Variants in MUC22 observed in about 807,000 individuals in gnomAD.
MUC22 encodes the protein mucin 22, also known as mucin-22.
A neutral mutation model predicts 40.3 loss-of-function variants in MUC22; 24 were observed. The ratio of observed to expected loss-of-function variants is 0.60; its 90% CI spans 0.43 to 0.84. MUC22 has a LOEUF of 0.84. Among genes scored for constraint, MUC22 ranks in the 40% least tolerant of loss-of-function variants. The probability of loss-of-function intolerance (pLI) is 0.00; values close to 1 mark genes in which losing one functional copy is unlikely to be tolerated. For synonymous variants in MUC22, 765 were observed against 844.5 expected (o/e 0.91, Z 1.63); for missense variants, 1,926 against 2,130.7 (o/e 0.90, Z 1.89).
In MUC22 at chr6:31,027,092, A is replaced by C; in HGVS notation, c.1661A>C (p.Glu554Ala). ...ACCATGGCATCCACCATGGGCTCTG[A>C]GACCACTATGGCCTCTACCATAGGC... Residue 554 changes from glutamate (E) to alanine (A), a missense_variant, in exon 2 of 4, where the codon GAG becomes GCG. Glu to Ala is a moderately radical substitution (Grantham distance 107). Around this residue, in one of 3 missense-constraint regions of MUC22, gnomAD observed 1,281 missense variants for 1,337.8 expected, o/e 0.96. Coordinates refer to ENST00000561890, the Ensembl canonical transcript of MUC22. 3.3e-6 allele frequency: 5 copies of C among 1,497,422 alleles called. 1 individual carries two copies. The highest frequency in any genetic ancestry group is 4.5e-6 in the Non-Finnish European group (5 of 1,120,062). 92.8% of individuals were successfully genotyped at this position (1,497,422 alleles called of 1,614,324 possible).
chr6:31,030,511 C>T (rs1183433448), intron 2 of MUC22, among the ~76,000 whole-genome samples: 2 of 101,162 alleles, frequency 2.0e-5, no homozygotes, highest in South Asian at 3.0e-4. Flanking sequence ...AGCGAGACTC[C>T]GTCTCAAAAA....
At chr6:31,033,804 A>G (rs1487505976) in intron 3 of MUC22, among the ~76,000 whole-genome samples, 1 of 152,278 alleles carries the variant, frequency 6.6e-6, no homozygotes, top group African/African-American at 2.4e-5. Context: ...AGTGTTGGAC[A>G]GCATACCACT....
rs1439178632 is a variant in MUC22, at chr6:31,011,617, T to A, written c.70+841T>A. On this transcript the variant is annotated intron_variant, in intron 1 of 3. Transcript: ENST00000561890. The surrounding 1 kb of genome is among the most constrained non-coding windows in gnomAD (Gnocchi z 4.5). The stretch of plus-strand genomic sequence containing the variant: ...TTGATGGGCATTTGGGTTCCATGAC[T>A]TTGCAATTGTGAATTGTGCTGCTAT... Among the ~76,000 whole-genome samples the A allele has an allele frequency of 6.6e-6, 1 of 152,240 alleles. No individual in the cohort carries two copies. The highest frequency in any genetic ancestry group is 1.5e-5 in the Non-Finnish European group (1 of 68,046).
intron 1 of MUC22, among the ~76,000 whole-genome samples, chr6:31,015,146 T>TAA (rs1324812094): frequency 6.6e-6 from 1 of 152,142 alleles, no homozygotes; most frequent in African/African-American, 2.4e-5. Context: ...CTAAGGCAGA[T>TAA]AAATATTGTT....
chr6:31,014,240 C>T (rs1356562481), intron 1 of MUC22, among the ~76,000 whole-genome samples: 1 of 151,996 alleles, frequency 6.6e-6, no homozygotes, highest in Non-Finnish European at 1.5e-5. Flanking sequence ...TTAAAATGTC[C>T]ATAGTTTTCT....
Position 31,032,608 on chromosome 6 carries a change from G to A in MUC22, c.5055+27G>A, listed in dbSNP as rs1196485522. ...TGAGTACCCAGGGTGGGTTCATAGGGGAGCCTGGCAAGAAGGCAGGGGGGA... is the reference window on the plus strand; with the variant it reads ...TGAGTACCCAGGGTGGGTTCATAGGAGAGCCTGGCAAGAAGGCAGGGGGGA... On this transcript the variant is annotated intron_variant, in intron 3 of 3. Transcript: ENST00000561890. This position sits in a 1 kb window ranked among gnomAD's most constrained non-coding sequence, Gnocchi z 4.1. The A allele has an allele frequency of 2.0e-6, 3 of 1,511,396 alleles. No individual in the cohort carries two copies. Among genetic ancestry groups the A allele is most frequent in the Non-Finnish European group, 2.6e-6 (3 of 1,133,566 alleles). The allele number at this position is 1,511,396 out of a possible 1,614,324, so 93.6% of individuals were successfully genotyped here. A position where few individuals can be genotyped will look rare whatever the true frequency, so the allele number is the denominator to read the frequency against.
intron 1 of MUC22, among the ~76,000 whole-genome samples, chr6:31,022,879 T>C (rs9262540): frequency 0.38 from 58,237 of 152,028 alleles, 11,370 homozygotes; most frequent in East Asian, 0.47. Flanking sequence ...CCTGTAATCC[T>C]AGCCCTTTGG....
chr6:31,027,620 C>T (rs1422342022), exon 2 of MUC22: 2 of 1,528,294 alleles, frequency 1.3e-6, no homozygotes, highest in Middle Eastern at 1.7e-4. Flanking sequence ...ACAGCCTATA[C>T]TACAGGCTCT....
At chr6:31,028,977 C>T (rs1315699371) in exon 2 of MUC22, 1 of 1,534,910 alleles carries the variant, frequency 6.5e-7, no homozygotes, top group South Asian at 1.2e-5. Flanking sequence ...CTACTGAAGG[C>T]TCTGAGACCA....
chr6:31,016,873 G>GC (rs1764248227), intron 1 of MUC22, among the ~76,000 whole-genome samples: 1 of 152,148 alleles, frequency 6.6e-6, no homozygotes, highest in Non-Finnish European at 1.5e-5. Flanking sequence ...GCCTCGGGGG[G>GC]CCCCACACTC....
intron 1 of MUC22, among the ~76,000 whole-genome samples, chr6:31,021,038 C>T (rs942683691): frequency 6.6e-6 from 1 of 152,218 alleles, no homozygotes; most frequent in African/African-American, 2.4e-5. Flanking sequence ...CCGGAGCCTC[C>T]CCGATGAGCG....
At chr6:31,031,176 G>A (rs1014278270) in intron 2 of MUC22, among the ~76,000 whole-genome samples, 3 of 152,176 alleles carry the variant, frequency 2.0e-5, no homozygotes, top group Non-Finnish European at 4.4e-5. Context: ...CACACCCATC[G>A]CTACCTAAGC....
chr6:31,021,115 C>T (rs9262512), intron 1 of MUC22, among the ~76,000 whole-genome samples: 22,107 of 152,264 alleles, frequency 0.15, 1,766 homozygotes, highest in African/African-American at 0.19. Context: ...GAGCGCATGG[C>T]GTAGGACTGG....
At chr6:31,028,727 C>T in exon 2 of MUC22, 1 of 1,531,920 alleles carries the variant, frequency 6.5e-7, no homozygotes, top group South Asian at 1.2e-5. Flanking sequence ...ACCACCACCT[C>T]TACTGAAGGC....
At position 31,011,442 on chromosome 6, in the gene MUC22, G is replaced by A. The variant is rs752175915; in HGVS notation, c.70+666G>A. On this transcript the variant is annotated intron_variant, in intron 1 of 3. Coordinates refer to ENST00000561890, the Ensembl canonical transcript of MUC22. This position sits in a 1 kb window ranked among gnomAD's most constrained non-coding sequence, Gnocchi z 4.5. ...CTCCCACCTATCAGTGAGAACATAC[G>A]ATGTTTGGTTTTCCATTCCTGAGTA... is the stretch of plus-strand genomic sequence containing the variant. Among the ~76,000 whole-genome samples the A allele has an allele frequency of 2.6e-5, 4 of 152,116 alleles. 1 individual carries two copies. The highest frequency in any genetic ancestry group is 2.0e-4 in the Admixed American group (3 of 15,268).
rs1764417868 is a variant in MUC22, at chr6:31,018,411, T to A, written c.71-7091T>A. 2.6e-5 allele frequency among the ~76,000 whole-genome samples: 4 copies of A among 152,232 alleles called. 1 individual carries two copies. The South Asian group carries it at 8.3e-4, about 32-fold the overall frequency. ...GAATCTTTCCAGGATTCCACAGAAT[T>A]AATAATCTACCAGTAGTTGACTTAC... is the stretch of plus-strand genomic sequence containing the variant. On this transcript the variant is annotated intron_variant, in intron 1 of 3. Coordinates refer to ENST00000561890, the Ensembl canonical transcript of MUC22.
At chr6:31,015,719 T>C (rs1764148465) in intron 1 of MUC22, among the ~76,000 whole-genome samples, 1 of 152,218 alleles carries the variant, frequency 6.6e-6, no homozygotes, top group Non-Finnish European at 1.5e-5. Context: ...AAAAGACCCA[T>C]TCTTTTTATT....
rs1225428244 is a variant in MUC22, at chr6:31,027,849, C to G, written c.2418C>G (p.Thr806=). The G allele has an allele frequency of 4.6e-6, 7 of 1,534,496 alleles. 1 individual carries two copies. The Admixed American group carries it at 1.4e-4, about 30-fold the overall frequency. The change falls in exon 2 of 4, where the codon ACC becomes ACG. Residue 806 remains threonine (T), a synonymous_variant. Transcript: ENST00000561890. ...TTTCCACCACAGGCTTGGAGACCAC[C>G]ACCACTTCCACTGAAGGCTCTGAGA...
chr6:31,030,291 G>T (rs62401669), intron 2 of MUC22, among the ~76,000 whole-genome samples, 191 bp downstream of exon 2: 17,284 of 152,128 alleles, frequency 0.11, 1,120 homozygotes, highest in Middle Eastern at 0.17. Context: ...GCTGAGGCGA[G>T]CGAATCACGA....
Sources: gnomAD v4.1 joint callset for allele counts (sites outside exome capture counted in the v4.1 genomes callset) on GRCh38, gnomAD v4.1.1 for gene constraint, gnomAD v4.1.1 regional missense constraint, Gnocchi (gnomAD v3.1) non-coding constraint, MANE v1.5 for transcripts, NCBI Gene and HGNC (gene_info 2026-07-23, HGNC 2026-07-21) for gene names.